RAB11FIP4: variants seen among roughly 807,000 people sequenced by gnomAD.
The protein encoded by RAB11FIP4 is RAB11 family interacting protein 4, also known as rab11 family-interacting protein 4.
In RAB11FIP4, 23 loss-of-function variants were observed where a neutral mutation model predicts 74.3. The observed-to-expected ratio is 0.31, with a 90% CI of 0.22 to 0.44. The LOEUF (loss-of-function observed/expected upper bound fraction) is 0.44. Among genes scored for constraint, RAB11FIP4 ranks in the 20% least tolerant of loss-of-function variants. The pLI is 1.00. For synonymous variants in RAB11FIP4, 360 were observed against 359.9 expected, an observed-to-expected ratio of 1.00 and a Z score of 0.00; for missense variants, 630 against 863.9, an observed-to-expected ratio of 0.73 and a Z score of 3.39.
intron 7 of RAB11FIP4, chr17:31,522,792 G>C (rs575715900): frequency 1.7e-4 from 39 of 224,770 alleles, no homozygotes; most frequent in African/African-American, 8.0e-4. Flanking sequence ...CATTGGGGCT[G>C]GTCACTTTGC....
At chr17:31,514,739 C>T (rs2072515290) in intron 3 of RAB11FIP4, among the ~76,000 whole-genome samples, 1 of 152,224 alleles carries the variant, frequency 6.6e-6, no homozygotes, top group Non-Finnish European at 1.5e-5. Context: ...CTGAGAGCCC[C>T]AGGTCTCTTC....
chr17:31,392,033 C>T, intron 1 of RAB11FIP4, 22 bp downstream of exon 1: 1 of 1,269,504 alleles, frequency 7.9e-7, no homozygotes, highest in East Asian at 3.2e-5. Flanking sequence ...CGACCCCAGT[C>T]CCGGCCCGGG....
At chr17:31,487,935 T>G (rs2071927406) in intron 3 of RAB11FIP4, 9 of 615,046 alleles carry the variant, frequency 1.5e-5, no homozygotes, top group Non-Finnish European at 1.6e-5. Context: ...GCGGCTCGGG[T>G]TCCGGGGCCG....
At position 31,537,081 on chromosome 17, in the gene RAB11FIP4, T is replaced by C; in HGVS notation, c.*5349T>C. ...TGCCTCCTGCTGGGGCCCATCCGCT[T>C]TGCTGTGCTGCACAGGCTGTTTTCA... On this transcript the variant is annotated 3_prime_UTR_variant, in exon 15 of 15. Coordinates refer to ENST00000621161, the MANE Select transcript of RAB11FIP4 (RefSeq NM_032932.6). The C allele has an allele frequency of 2.5e-6, 1 of 399,540 alleles. No homozygotes were observed. Among genetic ancestry groups the C allele is most frequent in the Non-Finnish European group, 4.4e-6 (1 of 226,320 alleles). 24.7% of individuals were successfully genotyped at this position (399,540 alleles called of 1,614,324 possible).
At chr17:31,422,228 C>T (rs1286063177) in intron 1 of RAB11FIP4, among the ~76,000 whole-genome samples, 1 of 152,196 alleles carries the variant, frequency 6.6e-6, no homozygotes, top group African/African-American at 2.4e-5. Flanking sequence ...AAGATATGAT[C>T]TACATGATCT....
chr17:31,401,352 T>C (rs1390031301), intron 1 of RAB11FIP4, among the ~76,000 whole-genome samples: 1 of 151,590 alleles, frequency 6.6e-6, no homozygotes, highest in Non-Finnish European at 1.5e-5. Context: ...TAGCTTAGGG[T>C]CACCAATTCC....
intron 3 of RAB11FIP4, among the ~76,000 whole-genome samples, chr17:31,485,346 C>T (rs1347662277): frequency 6.6e-6 from 1 of 152,176 alleles, no homozygotes; most frequent in Non-Finnish European, 1.5e-5. Flanking sequence ...ACTGATACCA[C>T]CCGTTCCATA....
chr17:31,422,028 A>G (rs1458034379), intron 1 of RAB11FIP4, among the ~76,000 whole-genome samples: 1 of 152,074 alleles, frequency 6.6e-6, no homozygotes, highest in East Asian at 1.9e-4. Context: ...CAAGAAAATT[A>G]GCTGGGCGTG....
chr17:31,392,123 C>T (rs1481174082), intron 1 of RAB11FIP4, 112 bp downstream of exon 1: 5 of 788,628 alleles, frequency 6.3e-6, no homozygotes, highest in Non-Finnish European at 5.0e-6. Flanking sequence ...GGCCTCCCTC[C>T]CAATCCCCTC....
At chr17:31,421,675 G>T (rs1172229478) in intron 1 of RAB11FIP4, among the ~76,000 whole-genome samples, 1 of 150,010 alleles carries the variant, frequency 6.7e-6, no homozygotes, top group East Asian at 2.0e-4. Context: ...TCTTGCCTCA[G>T]CCTCCCTAGT....
rs1057078518 is a variant in RAB11FIP4, at chr17:31,536,639, G to A, written c.*4907G>A. The A allele has an allele frequency of 2.9e-5, 6 of 204,576 alleles. No homozygotes were observed. Among genetic ancestry groups the A allele is most frequent in the East Asian group, 1.0e-4 (1 of 9,628 alleles). The allele number at this position is 204,576 out of a possible 1,614,324, so 12.7% of individuals were successfully genotyped here. On this transcript the variant is annotated 3_prime_UTR_variant, in exon 15 of 15. Transcript: ENST00000621161. The stretch of plus-strand genomic sequence containing the variant: ...GGCCTCAAGTTAGAAGGGCCATGCC[G>A]TCAGTGGATGACTTTGAGCGCTGAT...
In RAB11FIP4 at chr17:31,431,916, G is replaced by A. The variant is rs201013721; in HGVS notation, c.247+16G>A. 4.3e-5 allele frequency: 69 copies of A among 1,598,514 alleles called. No homozygotes were observed. In the African/African-American group the frequency reaches 8.3e-4, roughly 19 times the overall value. ...GCCATGAAAGGTGAGGTCTTCCCGG[G>A]AGGCTTTCCCAGGCGCTCTCCGGTC... On this transcript the variant is annotated intron_variant, in intron 2 of 14. Transcript: ENST00000621161.
chr17:31,467,145 C>T (rs2071693709), intron 3 of RAB11FIP4, among the ~76,000 whole-genome samples: 2 of 148,550 alleles, frequency 1.3e-5, no homozygotes, highest in South Asian at 4.2e-4. Context: ...TGGAGTCTTG[C>T]TCTGTCGCCC....
At chr17:31,490,776 T>TAAG (rs1256429168) in intron 3 of RAB11FIP4, among the ~76,000 whole-genome samples, 1 of 152,182 alleles carries the variant, frequency 6.6e-6, no homozygotes, top group African/African-American at 2.4e-5. Flanking sequence ...AGGCTGGTCT[T>TAAG]AAACTCCTGG....
intron 1 of RAB11FIP4, among the ~76,000 whole-genome samples, chr17:31,426,134 A>G (rs2071247163): frequency 6.6e-6 from 1 of 152,152 alleles, no homozygotes; most frequent in Admixed American, 6.6e-5. Flanking sequence ...TCAGGGCGCC[A>G]GGGGATAGAA....
At chr17:31,435,703 A>C (rs1485596276) in intron 3 of RAB11FIP4, among the ~76,000 whole-genome samples, 1 of 152,172 alleles carries the variant, frequency 6.6e-6, no homozygotes, top group Non-Finnish European at 1.5e-5. Context: ...GGTCAGGGTT[A>C]GGTTCCCTGG....
chr17:31,432,377 A>G (rs142434080), intron 2 of RAB11FIP4, among the ~76,000 whole-genome samples: 5 of 142,612 alleles, frequency 3.5e-5, no homozygotes, highest in African/African-American at 7.8e-5. Context: ...TTTTTTTGAG[A>G]CAGGGTCTGG....
chr17:31,497,325 C>T (rs953766470), intron 3 of RAB11FIP4, among the ~76,000 whole-genome samples: 6 of 152,248 alleles, frequency 3.9e-5, no homozygotes, highest in Admixed American at 1.3e-4. Context: ...GATCATGCCA[C>T]TGCACTCCAG....
chr17:31,425,978 A>C (rs1373904848), intron 1 of RAB11FIP4, among the ~76,000 whole-genome samples: 2 of 152,138 alleles, frequency 1.3e-5, no homozygotes, highest in African/African-American at 2.4e-5. Flanking sequence ...TCGCTTCACC[A>C]ACTGTGAAAT....
Sources: allele counts gnomAD v4.1 joint callset (sites outside exome capture counted in the v4.1 genomes callset), GRCh38; gene constraint gnomAD v4.1.1; transcripts MANE v1.5; gene names NCBI Gene and HGNC (gene_info 2026-07-23, HGNC 2026-07-21).